The following SLC25A21 variants were observed in gnomAD, a reference collection of about 807,000 sequenced individuals.
SLC25A21 encodes solute carrier family 25 member 21.
SLC25A21 carries 47 observed loss-of-function variants against 43.8 expected under a neutral mutation model. The observed-to-expected ratio is 1.07, with a 90% CI of 0.85 to 1.37. SLC25A21 has a LOEUF of 1.37. SLC25A21 is among the 40% of genes most tolerant of loss of function. SLC25A21 has a pLI of 0.00. For synonymous variants in SLC25A21, 131 were observed against 121.3 expected, an observed-to-expected ratio of 1.08 and a Z score of -0.52; for missense variants, 352 against 350.2, an observed-to-expected ratio of 1.00 and a Z score of -0.04.
At chr14:36,862,250 C>T (rs771256649) in intron 2 of SLC25A21, among the ~76,000 whole-genome samples, 1 of 152,168 alleles carries the variant, frequency 6.6e-6, no homozygotes, top group Non-Finnish European at 1.5e-5. Context: ...CCAGCAATCC[C>T]ATTACTGGGT....
intron 3 of SLC25A21, among the ~76,000 whole-genome samples, chr14:36,774,362 T>A (rs1366936727): frequency 3.3e-5 from 5 of 152,234 alleles, no homozygotes; most frequent in African/African-American, 1.2e-4. Context: ...CTTCAGCTTA[T>A]GTGTTAGCAG....
At chr14:37,064,690 T>A (rs1225047392) in intron 1 of SLC25A21, among the ~76,000 whole-genome samples, 2 of 152,140 alleles carry the variant, frequency 1.3e-5, no homozygotes, top group Non-Finnish European at 2.9e-5. Flanking sequence ...CCCCATTCTA[T>A]GAATTAACTC....
intron 1 of SLC25A21, among the ~76,000 whole-genome samples, chr14:37,041,317 T>G (rs11156932): frequency 0.47 from 71,300 of 151,900 alleles, 19,147 homozygotes; most frequent in African/African-American, 0.75. Context: ...AATCAATCTG[T>G]ATCTATAATT....
At chr14:37,042,718 G>A (rs577303823) in intron 1 of SLC25A21, among the ~76,000 whole-genome samples, 64 of 152,266 alleles carry the variant, frequency 4.2e-4, no homozygotes, top group South Asian at 3.3e-3. Context: ...CACAGTCTTT[G>A]GGAAAACATA....
chr14:36,776,752 AT>A (rs1886850004), intron 3 of SLC25A21, among the ~76,000 whole-genome samples: 1 of 152,154 alleles, frequency 6.6e-6, no homozygotes, highest in Non-Finnish European at 1.5e-5. Flanking sequence ...CTCTCAGCAT[AT>A]AATATTGCCT....
intron 1 of SLC25A21, among the ~76,000 whole-genome samples, chr14:37,136,175 C>CTT (rs1963476823): frequency 6.6e-6 from 1 of 152,120 alleles, no homozygotes; most frequent in Non-Finnish European, 1.5e-5. Flanking sequence ...TGACTGTACT[C>CTT]TAGTAGTTAT....
At chr14:36,932,994 T>C (rs1010507550) in intron 1 of SLC25A21, among the ~76,000 whole-genome samples, 13 of 152,112 alleles carry the variant, frequency 8.5e-5, no homozygotes, top group Admixed American at 5.2e-4. Context: ...ATGTTAGGCA[T>C]TGTTGTTTGG....
chr14:36,869,342 A>C (rs1027176170), intron 2 of SLC25A21, among the ~76,000 whole-genome samples: 4 of 152,156 alleles, frequency 2.6e-5, no homozygotes, highest in Admixed American at 1.3e-4. Context: ...AATAAGCATA[A>C]ACCCACAGGG....
At chr14:37,079,220 T>A (rs1175276437) in intron 1 of SLC25A21, among the ~76,000 whole-genome samples, 4 of 152,160 alleles carry the variant, frequency 2.6e-5, no homozygotes, top group African/African-American at 9.7e-5. Context: ...CCCAGATCTG[T>A]GGACCTTTGG....
intron 1 of SLC25A21, among the ~76,000 whole-genome samples, chr14:37,002,459 C>A (rs1960508835): frequency 6.6e-6 from 1 of 152,064 alleles, no homozygotes; most frequent in African/African-American, 2.4e-5. Flanking sequence ...CAGGATTATA[C>A]CCTGGTCAGA....
chr14:37,098,245 T>G (rs1484988233), intron 1 of SLC25A21: 1 of 152,196 alleles, frequency 6.6e-6, no homozygotes, highest in East Asian at 1.9e-4. Context: ...TGAGGTAAGT[T>G]TGTAATTAGA....
At chr14:37,037,476 T>C (rs1480807446) in intron 1 of SLC25A21, among the ~76,000 whole-genome samples, 1 of 152,218 alleles carries the variant, frequency 6.6e-6, no homozygotes, top group Non-Finnish European at 1.5e-5. Flanking sequence ...GTTGCTTTCA[T>C]ATGGAAGAAG....
intron 1 of SLC25A21, among the ~76,000 whole-genome samples, chr14:36,877,175 A>G (rs1890559465): frequency 6.6e-6 from 1 of 152,200 alleles, no homozygotes; most frequent in South Asian, 2.1e-4. Context: ...AGCTTCTCCC[A>G]CTGACTTGAC....
rs531854076 is a variant in SLC25A21, at chr14:37,042,171, G to A, written c.70+130110C>T. Among the ~76,000 whole-genome samples the A allele has an allele frequency of 6.6e-5, 10 of 152,234 alleles. No individual in the cohort carries two copies. The East Asian group carries it at 1.5e-3, about 24-fold the overall frequency. The stretch of plus-strand genomic sequence containing the variant: ...TTGTTTATATGTTTTTAAAGCTGGC[G>A]AGCAAACAGAGGGCAGAATGTGAAA... On this transcript the variant is annotated intron_variant, in intron 1 of 9. Coordinates refer to ENST00000331299, the MANE Select transcript of SLC25A21 (RefSeq NM_030631.4).
At chr14:36,962,251 C>T (rs761743103) in intron 1 of SLC25A21, among the ~76,000 whole-genome samples, 5 of 152,118 alleles carry the variant, frequency 3.3e-5, no homozygotes, top group Non-Finnish European at 7.4e-5. Flanking sequence ...TGTTATGGGA[C>T]ACATACTGAT....
At chr14:36,878,587 C>T (rs1890615409) in intron 1 of SLC25A21, among the ~76,000 whole-genome samples, 1 of 152,052 alleles carries the variant, frequency 6.6e-6, no homozygotes, top group African/African-American at 2.4e-5. Context: ...CTAGAAGTGA[C>T]CTCAAGAAAC....
chr14:37,125,088 T>G (rs1273163038), intron 1 of SLC25A21, among the ~76,000 whole-genome samples: 1 of 152,212 alleles, frequency 6.6e-6, no homozygotes, highest in Non-Finnish European at 1.5e-5. Context: ...GAAAGAGCCC[T>G]GCACTAGGTA....
At chr14:36,959,762 G>C (rs1594720542) in intron 1 of SLC25A21, among the ~76,000 whole-genome samples, 1 of 152,272 alleles carries the variant, frequency 6.6e-6, no homozygotes, top group East Asian at 1.9e-4. Context: ...CTGTTCCCAT[G>C]CTTTTTTGTA....
At chr14:37,057,359 A>G (rs1219929586) in intron 1 of SLC25A21, among the ~76,000 whole-genome samples, 2 of 152,196 alleles carry the variant, frequency 1.3e-5, no homozygotes, top group South Asian at 2.1e-4. Flanking sequence ...TCCTCTGGCC[A>G]ATAAATTTTA....
Sources: gnomAD v4.1 joint callset for allele counts (sites outside exome capture counted in the v4.1 genomes callset) on GRCh38, gnomAD v4.1.1 for gene constraint, MANE v1.5 for transcripts, NCBI Gene and HGNC (gene_info 2026-07-23, HGNC 2026-07-21) for gene names.